IMMP2L: variants seen among roughly 807,000 people sequenced by gnomAD.
IMMP2L encodes inner mitochondrial membrane peptidase subunit 2, also known as mitochondrial inner membrane protease subunit 2.
Under a neutral mutation model 19.3 loss-of-function variants are expected in IMMP2L, and 18 were observed. The observed-to-expected ratio is 0.93, with a 90% confidence interval of 0.64 to 1.38. The LOEUF is 1.38. Among genes scored for constraint, IMMP2L ranks in the 40% most tolerant of loss-of-function variants. IMMP2L has a pLI of 0.00. For missense variants in IMMP2L, 233 were observed against 218.2 expected, an observed-to-expected ratio of 1.07 and a Z score of -0.43; for synonymous variants, 76 against 73.0, an observed-to-expected ratio of 1.04 and a Z score of -0.21.
intron 3 of IMMP2L, among the ~76,000 whole-genome samples, chr7:111,353,804 T>C (rs939967170): frequency 1.3e-5 from 2 of 152,154 alleles, no homozygotes; most frequent in Non-Finnish European, 2.9e-5. Flanking sequence ...TTTATACATT[T>C]TTATGATAGA....
intron 3 of IMMP2L, among the ~76,000 whole-genome samples, chr7:111,021,043 A>G (rs1421678627): frequency 6.6e-6 from 1 of 152,246 alleles, no homozygotes; most frequent in Non-Finnish European, 1.5e-5. Context: ...CCAAAAAATA[A>G]TGTGTAGTGA....
chr7:110,773,485 A>T (rs552159016), intron 5 of IMMP2L, among the ~76,000 whole-genome samples: 52 of 152,258 alleles, frequency 3.4e-4, no homozygotes, highest in African/African-American at 1.2e-3. Context: ...AACATTAAAA[A>T]ATCAGTCATT....
intron 3 of IMMP2L, among the ~76,000 whole-genome samples, chr7:111,373,156 G>C (rs1238084584): frequency 6.6e-6 from 1 of 151,098 alleles, no homozygotes; most frequent in Non-Finnish European, 1.5e-5. Flanking sequence ...GAGATCACAT[G>C]CCTCCCACAG....
chr7:111,538,963 A>G (rs185129583), intron 1 of IMMP2L, among the ~76,000 whole-genome samples: 3 of 151,084 alleles, frequency 2.0e-5, no homozygotes, highest in African/African-American at 4.9e-5. Flanking sequence ...CTACTAAAAA[A>G]ACAAAAATTA....
At chr7:111,552,262 G>A (rs1585659718) in intron 1 of IMMP2L, among the ~76,000 whole-genome samples, 1 of 152,030 alleles carries the variant, frequency 6.6e-6, no homozygotes, top group Admixed American at 6.6e-5. Context: ...AGTTTTACTG[G>A]TCAAAAGGAA....
At chr7:111,111,325 T>G (rs1423649352) in intron 3 of IMMP2L, among the ~76,000 whole-genome samples, 2 of 148,210 alleles carry the variant, frequency 1.3e-5, no homozygotes, top group African/African-American at 2.5e-5. Context: ...AAAAAAAAGT[T>G]AATGTTAGCA....
chr7:110,753,782 T>C (rs2130932110), intron 5 of IMMP2L, among the ~76,000 whole-genome samples: 1 of 143,232 alleles, frequency 7.0e-6, no homozygotes, highest in South Asian at 2.1e-4. Flanking sequence ...GTGTGTGTGG[T>C]TAGTAGAAGA....
intron 3 of IMMP2L, among the ~76,000 whole-genome samples, chr7:110,979,113 G>C (rs1024562529): frequency 3.3e-5 from 5 of 152,056 alleles, no homozygotes; most frequent in Non-Finnish European, 7.4e-5. Flanking sequence ...TTCCAGTAAA[G>C]TGTTCTTCTT....
intron 5 of IMMP2L, among the ~76,000 whole-genome samples, chr7:110,746,571 T>C (rs932385896): frequency 6.6e-6 from 1 of 152,140 alleles, no homozygotes. Context: ...CACAGTGCAA[T>C]CAAATTAGAA....
chr7:111,131,861 T>C (rs1438480748), intron 3 of IMMP2L, among the ~76,000 whole-genome samples: 2 of 151,452 alleles, frequency 1.3e-5, no homozygotes, highest in African/African-American at 4.8e-5. Flanking sequence ...GTAACAAAAA[T>C]AATAACATAG....
chr7:110,895,039 T>C (rs1191876437), intron 4 of IMMP2L, among the ~76,000 whole-genome samples: 1 of 152,188 alleles, frequency 6.6e-6, no homozygotes, highest in Non-Finnish European at 1.5e-5. Context: ...GACTGGGCAA[T>C]TTACAAAAGG....
intron 3 of IMMP2L, among the ~76,000 whole-genome samples, chr7:111,108,151 T>A (rs534188917): frequency 0.021 from 3,231 of 152,260 alleles, 122 homozygotes; most frequent in African/African-American, 0.074. Flanking sequence ...GACAAAAACC[T>A]CACAGATTGT....
At chr7:110,903,667 C>T (rs1812146406) in intron 4 of IMMP2L, among the ~76,000 whole-genome samples, 2 of 152,082 alleles carry the variant, frequency 1.3e-5, no homozygotes. Flanking sequence ...TGATTGACAT[C>T]TGGGTTGTTT....
At chr7:110,963,618 A>G in intron 3 of IMMP2L, 53 bp from the exon 4 acceptor site, 1 of 1,125,406 alleles carries the variant, frequency 8.9e-7, no homozygotes, top group African/African-American at 1.6e-5. Context: ...TTGTTTTAGG[A>G]AGATGAAAAG....
intron 3 of IMMP2L, among the ~76,000 whole-genome samples, chr7:111,380,827 C>A (rs985553670): frequency 6.6e-6 from 1 of 151,996 alleles, no homozygotes; most frequent in East Asian, 1.9e-4. Flanking sequence ...AAAAGAAATA[C>A]CAGGCATAAA....
At chr7:110,679,804 T>C (rs1466759774) in intron 5 of IMMP2L, among the ~76,000 whole-genome samples, 1 of 152,046 alleles carries the variant, frequency 6.6e-6, no homozygotes, top group Non-Finnish European at 1.5e-5. Flanking sequence ...CAACCAGAAA[T>C]GAAAGAAGAT....
intron 3 of IMMP2L, among the ~76,000 whole-genome samples, chr7:111,014,419 G>A (rs1009633945): frequency 6.6e-6 from 1 of 151,924 alleles, no homozygotes; most frequent in Non-Finnish European, 1.5e-5. Context: ...ACTTATGTAT[G>A]TACAAATTAC....
intron 3 of IMMP2L, among the ~76,000 whole-genome samples, chr7:111,214,495 A>C: frequency 7.3e-6 from 1 of 137,760 alleles, no homozygotes. Context: ...GGCACCTGCC[A>C]CCAAATCTGT....
rs769503491 is a variant in IMMP2L at position 110,663,200 on chromosome 7, C to T, written c.*402G>A. ...CTTGTTCTACCTTAACAGCAAGTGA[C>T]AAATACATCATTTTTATTGAATATT... is the stretch of plus-strand genomic sequence containing the variant. On this transcript the variant is annotated 3_prime_UTR_variant, in exon 6 of 6. Transcript: ENST00000405709. The T allele has an allele frequency of 1.2e-4, 24 of 195,494 alleles. No individual in the cohort carries two copies. Among genetic ancestry groups the T allele is most frequent in the Admixed American group, 3.8e-4 (7 of 18,422 alleles). 12.1% of individuals were successfully genotyped at this position (195,494 alleles called of 1,614,324 possible).
Sources: gnomAD v4.1 joint callset for allele counts (sites outside exome capture counted in the v4.1 genomes callset) on GRCh38, gnomAD v4.1.1 for gene constraint, MANE v1.5 for transcripts, NCBI Gene and HGNC (gene_info 2026-07-23, HGNC 2026-07-21) for gene names.